The following SLC52A3 variants were observed in gnomAD, a reference collection of about 807,000 sequenced individuals.
SLC52A3 encodes solute carrier family 52, riboflavin transporter, member 3.
SLC52A3 carries 20 observed loss-of-function variants against 29.5 expected under a neutral mutation model. That is an observed-to-expected ratio of 0.68 (90% CI 0.48 to 0.99). The LOEUF (loss-of-function observed/expected upper bound fraction) is 0.99. Among genes scored for constraint, SLC52A3 ranks in the 50% least tolerant of loss-of-function variants. SLC52A3 has a pLI of 0.00. For missense variants in SLC52A3, 548 were observed against 612.9 expected (o/e 0.89, Z 1.12); for synonymous variants, 301 against 271.0 (o/e 1.11, Z -1.09).
At chr20:771,622 A>G (rs921074619), upstream of SLC52A3, among the ~76,000 whole-genome samples, 5 of 151,932 alleles carry the variant, frequency 3.3e-5, no homozygotes, top group Admixed American at 2.6e-4. Context: ...AAAATTTAAC[A>G]AAAGTAGTTG....
intron 1 of SLC52A3, among the ~76,000 whole-genome samples, chr20:775,268 CTTTTTTTTTTT>C (rs57095806): frequency 0.32 from 43,270 of 133,624 alleles, 6,947 homozygotes; most frequent in African/African-American, 0.42. Context: ...GGGGCCCAGT[CTTTTTTTTTTT>C]TTTTTTTTTT....
In SLC52A3 at chr20:760,785, C is replaced by A. The variant is rs1986431213; in HGVS notation, c.*241G>T. On this transcript the variant is annotated 3_prime_UTR_variant, in exon 5 of 5. Transcript: ENST00000645534. This position sits in a 1 kb window ranked among gnomAD's most constrained non-coding sequence, Gnocchi z 4.9. Reference sequence around the variant, plus strand: ...GCTAGATGCTGCAAATCAGTCCTCTCTTGAGAGTCAAAGCAAAGGAGATCT... The same window carrying A: ...GCTAGATGCTGCAAATCAGTCCTCTATTGAGAGTCAAAGCAAAGGAGATCT... The A allele has an allele frequency of 6.9e-6, 4 of 577,600 alleles. No individual in the cohort carries two copies. Among genetic ancestry groups the A allele is most frequent in the African/African-American group, 1.9e-5 (1 of 53,602 alleles). 35.8% of individuals were successfully genotyped at this position (577,600 alleles called of 1,614,324 possible).
upstream of SLC52A3, among the ~76,000 whole-genome samples, chr20:778,235 G>A (rs969468023): frequency 2.6e-5 from 4 of 152,028 alleles, no homozygotes; most frequent in East Asian, 1.9e-4. Context: ...GGCTGGTCCC[G>A]AACTCCTGAC....
chr20:771,245 G>A (rs1468238510), upstream of SLC52A3, among the ~76,000 whole-genome samples: 1 of 152,144 alleles, frequency 6.6e-6, no homozygotes, highest in Admixed American at 6.5e-5. Flanking sequence ...GGTCAACATG[G>A]TAAAACCCTG....
chr20:769,765 C>T (rs183728213), upstream of SLC52A3, among the ~76,000 whole-genome samples: 146 of 152,200 alleles, frequency 9.6e-4, no homozygotes, highest in African/African-American at 2.9e-3. Context: ...AGCATGGTGG[C>T]GCACACCTGT....
intron 4 of SLC52A3, 46 bp downstream of exon 4, chr20:761,655 G>C (rs758134181): frequency 4.3e-6 from 7 of 1,610,520 alleles, no homozygotes; most frequent in Non-Finnish European, 5.9e-6. Context: ...CTTGGCTAGG[G>C]GTGAGGGGTA....
Position 761,755 on chromosome 20 carries a change from C to G in SLC52A3, c.1143G>C (p.Ala381=). The part of the protein sequence containing the change: ...TCFGGYNMAM[A]VMSPCPLLQG... Reference sequence around the variant, plus strand: ...GCAAGAGGGGGCAGGGGCTCATCACCGCCATGGCCATGTTGTAGCCCCCAA... The same window carrying G: ...GCAAGAGGGGGCAGGGGCTCATCACGGCCATGGCCATGTTGTAGCCCCCAA... Residue 381 remains alanine, a synonymous_variant, in exon 4 of 5, where the codon GCG becomes GCC. Coordinates refer to ENST00000645534, the MANE Select transcript of SLC52A3 (RefSeq NM_033409.4). The G allele has an allele frequency of 6.2e-7, 1 of 1,614,164 alleles. No homozygotes were observed. Among genetic ancestry groups the G allele is most frequent in the Non-Finnish European group, 8.5e-7 (1 of 1,180,018 alleles).
upstream of SLC52A3, among the ~76,000 whole-genome samples, chr20:776,750 G>C (rs1406384781): frequency 2.6e-5 from 4 of 152,030 alleles, no homozygotes. Flanking sequence ...GCAGTATAGG[G>C]GAAGAGTTGG....
At chr20:761,966 G>A in intron 3 of SLC52A3, 142 bp from the exon 4 acceptor site, 3 of 1,258,140 alleles carry the variant, frequency 2.4e-6, no homozygotes, top group Non-Finnish European at 3.4e-6. Context: ...TGGCTCAAGT[G>A]GGTCAGGGAG....
At chr20:769,944 C>A (rs1986799511), upstream of SLC52A3, among the ~76,000 whole-genome samples, 1 of 152,078 alleles carries the variant, frequency 6.6e-6, no homozygotes, top group Non-Finnish European at 1.5e-5. Flanking sequence ...AGACAAATGG[C>A]CACTCAACTA....
intron 2 of SLC52A3, among the ~76,000 whole-genome samples, chr20:764,616 C>T (rs1255165729): frequency 6.6e-6 from 1 of 151,932 alleles, no homozygotes; most frequent in Non-Finnish European, 1.5e-5. Context: ...CTGTAGGAGG[C>T]CAGAATATGC....
chr20:761,097 T>TGAGCAGCGCTCC lies in SLC52A3; in HGVS notation c.1327_1338dup (p.Gly443_Leu446dup), dbSNP rs1462694166. The TGAGCAGCGCTCC allele has an allele frequency of 1.2e-6, 2 of 1,608,216 alleles. No homozygotes were observed. The highest frequency in any genetic ancestry group is 2.7e-5 in the African/African-American group (2 of 74,922). On this transcript the variant is annotated inframe_insertion, in exon 5 of 5. Coordinates refer to ENST00000645534, the MANE Select transcript of SLC52A3 (RefSeq NM_033409.4). ...CGCAGCACGTTGACCAGAGGGAACA[T>TGAGCAGCGCTCC]GAGCAGCGCTCCGAGCAGCGAGCCC...
upstream of SLC52A3, among the ~76,000 whole-genome samples, chr20:777,272 C>A (rs202144672): frequency 1.6e-4 from 24 of 147,998 alleles, no homozygotes; most frequent in African/African-American, 3.7e-4. Flanking sequence ...AAACAAAAAA[C>A]AAAAAAAAAA....
At chr20:773,373 G>A (rs926886642), upstream of SLC52A3, among the ~76,000 whole-genome samples, 2 of 152,152 alleles carry the variant, frequency 1.3e-5, no homozygotes, top group Non-Finnish European at 2.9e-5. Context: ...CCATTTTACA[G>A]ATGAGGAAAC....
upstream of SLC52A3, among the ~76,000 whole-genome samples, chr20:771,526 A>C (rs1393984942): frequency 6.6e-6 from 1 of 152,192 alleles, no homozygotes; most frequent in African/African-American, 2.4e-5. Flanking sequence ...GTAACCAAAA[A>C]CTAATGAATA....
At chr20:773,417 T>C (rs1488727055), upstream of SLC52A3, among the ~76,000 whole-genome samples, 1 of 152,090 alleles carries the variant, frequency 6.6e-6, no homozygotes, top group Non-Finnish European at 1.5e-5. Flanking sequence ...TTGCCTAGGG[T>C]CATACAGCTG....
Position 763,626 on chromosome 20 carries a change from G to A in SLC52A3, c.945C>T (p.Asn315=), listed in dbSNP as rs139430185. The A allele has an allele frequency of 3.5e-4, 567 of 1,614,102 alleles. No individual in the cohort carries two copies. The highest frequency in any genetic ancestry group is 4.4e-4 in the Non-Finnish European group (523 of 1,180,046). Residue 315 remains asparagine, a synonymous_variant, in exon 3 of 5, where the codon AAC becomes AAT. Coordinates refer to ENST00000645534, the MANE Select transcript of SLC52A3 (RefSeq NM_033409.4). ...TLVAFVNALT[N]GMLPSVQTYS... is the part of the protein sequence containing the mutation. ...AGGTCTGCACAGAGGGCAGCATGCC[G>A]TTGGTGAGCGCGTTGACGAAGGCCA...
At chr20:771,403 G>A (rs545183876), upstream of SLC52A3, among the ~76,000 whole-genome samples, 7 of 150,392 alleles carry the variant, frequency 4.7e-5, no homozygotes, top group Admixed American at 2.0e-4. Context: ...CTCTAGCCTC[G>A]GCGACAAAGC....
chr20:772,016 G>C (rs999393635), upstream of SLC52A3, among the ~76,000 whole-genome samples: 3 of 152,160 alleles, frequency 2.0e-5, no homozygotes, highest in Admixed American at 1.3e-4. Context: ...GTAGTTAAGG[G>C]GAGTAGGCGA....
Sources: gnomAD v4.1 joint callset for allele counts (sites outside exome capture counted in the v4.1 genomes callset) on GRCh38, gnomAD v4.1.1 for gene constraint, Gnocchi (gnomAD v3.1) non-coding constraint, MANE v1.5 for transcripts, NCBI Gene and HGNC (gene_info 2026-07-23, HGNC 2026-07-21) for gene names.